The following SUPT3H variants were observed in gnomAD, a reference collection of about 807,000 sequenced individuals.
The protein encoded by SUPT3H is transcription initiation protein SPT3 homolog.
SUPT3H carries 44 observed loss-of-function variants against 44.3 expected under a neutral mutation model. The observed-to-expected ratio is 0.99, with a 90% confidence interval of 0.78 to 1.28. The LOEUF (loss-of-function observed/expected upper bound fraction) is 1.28, where lower values mean the gene tolerates loss of function less well. Among genes scored for constraint, SUPT3H ranks in the 50% most tolerant of loss-of-function variants. SUPT3H has a pLI of 0.00. For synonymous variants in SUPT3H, 124 were observed against 125.6 expected (o/e 0.99, Z 0.09); for missense variants, 380 against 387.1 (o/e 0.98, Z 0.15).
chr6:45,372,282 C>T (rs115707308), intron 1 of SUPT3H, among the ~76,000 whole-genome samples: 214 of 152,250 alleles, frequency 1.4e-3, no homozygotes, highest in African/African-American at 4.9e-3. Context: ...AAATAACATA[C>T]GTAAAGCCCT....
intron 6 of SUPT3H, among the ~76,000 whole-genome samples, chr6:44,990,134 T>C (rs748505396): frequency 3.5e-4 from 54 of 152,280 alleles, no homozygotes; most frequent in Non-Finnish European, 6.9e-4. Flanking sequence ...TTTATGTTTA[T>C]CTTCAATCCA....
chr6:45,322,378 T>C (rs1164018178), intron 2 of SUPT3H, among the ~76,000 whole-genome samples: 1 of 150,802 alleles, frequency 6.6e-6, no homozygotes, highest in Non-Finnish European at 1.5e-5. Context: ...TGTATACTTT[T>C]ATAATTTTCT....
At chr6:45,194,976 T>C (rs1328893508) in intron 2 of SUPT3H, among the ~76,000 whole-genome samples, 1 of 152,132 alleles carries the variant, frequency 6.6e-6, no homozygotes, top group Non-Finnish European at 1.5e-5. Flanking sequence ...GACCTATAAA[T>C]TGCAGTGTAA....
At chr6:44,845,211 C>T (rs934732445) in intron 10 of SUPT3H, among the ~76,000 whole-genome samples, 11 of 152,076 alleles carry the variant, frequency 7.2e-5, no homozygotes, top group Admixed American at 2.0e-4. Flanking sequence ...CTTACTAGTA[C>T]CAGACACTGG....
At chr6:44,975,950 T>C (rs1157008215) in intron 6 of SUPT3H, among the ~76,000 whole-genome samples, 2 of 152,174 alleles carry the variant, frequency 1.3e-5, no homozygotes, top group Admixed American at 6.5e-5. Flanking sequence ...CTTTTATAAC[T>C]GGATAGCATT....
chr6:44,849,478 C>T (rs1416026322), intron 10 of SUPT3H, among the ~76,000 whole-genome samples: 12 of 151,912 alleles, frequency 7.9e-5, no homozygotes, highest in Admixed American at 2.6e-4. Flanking sequence ...CCGCCCGCCT[C>T]GGCCTCCCAA....
chr6:44,869,461 A>T (rs1385785226), intron 10 of SUPT3H, among the ~76,000 whole-genome samples: 2 of 151,658 alleles, frequency 1.3e-5, no homozygotes, highest in African/African-American at 4.9e-5. Flanking sequence ...CAGTAGGTTG[A>T]AACAGACGAT....
chr6:45,172,827 T>C (rs1269784113), intron 2 of SUPT3H, among the ~76,000 whole-genome samples: 1 of 152,142 alleles, frequency 6.6e-6, no homozygotes, highest in African/African-American at 2.4e-5. Flanking sequence ...CCTGACCTCG[T>C]GATCCGCCCA....
rs1491439191 is a variant in SUPT3H, at chr6:44,839,320, TTA to T, written c.913-9465_913-9464del. Among the ~76,000 whole-genome samples the T allele has an allele frequency of 3.6e-4, 42 of 117,682 alleles. 1 individual carries two copies. The South Asian group carries it at 8.3e-3, about 23-fold the overall frequency. The allele number at this position is 117,682 out of a possible 152,430, so 77.2% of individuals were successfully genotyped here. A position where few individuals can be genotyped will look rare whatever the true frequency, so the allele number is the denominator to read the frequency against. ...ATAAATGTTTGTTTCACTATTATTA[TTA>T]TTTTTTTTTGAAACTGGGTCTCGCC... On this transcript the variant is annotated intron_variant, in intron 10 of 10. Coordinates refer to ENST00000371459, the MANE Select transcript of SUPT3H (RefSeq NM_003599.4).
chr6:44,904,751 G>A (rs1216297747), intron 10 of SUPT3H, among the ~76,000 whole-genome samples: 6 of 152,074 alleles, frequency 3.9e-5, no homozygotes, highest in Non-Finnish European at 5.9e-5. Flanking sequence ...GAGGCATCAC[G>A]CTACCTGACT....
chr6:45,354,572 A>C (rs1792752473), intron 2 of SUPT3H, among the ~76,000 whole-genome samples: 2 of 152,074 alleles, frequency 1.3e-5, no homozygotes, highest in Non-Finnish European at 2.9e-5. Context: ...AAGGGGCTTC[A>C]CTGCATTTAA....
At chr6:45,223,243 T>G (rs567655428) in intron 2 of SUPT3H, among the ~76,000 whole-genome samples, 3 of 152,224 alleles carry the variant, frequency 2.0e-5, no homozygotes, top group African/African-American at 7.2e-5. Flanking sequence ...TTATCAATGT[T>G]AATATTCTAA....
rs558919866 is a variant in SUPT3H, at chr6:44,845,339, A to C, written c.913-15482T>G. On this transcript the variant is annotated intron_variant, in intron 10 of 10. Transcript: ENST00000371459. ...AGCTATCATTGTGAAGTGATATACC[A>C]ATCACTAGACAGCTCTGAAATGGCA... 3.3e-5 allele frequency among the ~76,000 whole-genome samples: 5 copies of C among 152,310 alleles called. No individual in the cohort carries two copies. The South Asian group carries it at 1.0e-3, about 32-fold the overall frequency.
intron 2 of SUPT3H, among the ~76,000 whole-genome samples, chr6:45,256,772 TC>T: frequency 6.6e-6 from 1 of 152,238 alleles, no homozygotes; most frequent in East Asian, 1.9e-4. Context: ...AGTACTTCCG[TC>T]CTTTTTGTGC....
At chr6:44,952,344 G>A (rs2153473314) in intron 9 of SUPT3H, among the ~76,000 whole-genome samples, 1 of 152,272 alleles carries the variant, frequency 6.6e-6, no homozygotes, top group South Asian at 2.1e-4. Flanking sequence ...AGGGTTTATA[G>A]TTTTCATCAG....
chr6:44,844,163 A>G (rs967328121), intron 10 of SUPT3H, among the ~76,000 whole-genome samples: 2 of 152,196 alleles, frequency 1.3e-5, no homozygotes, highest in African/African-American at 4.8e-5. Flanking sequence ...AGTCTTCAAT[A>G]TATGATGCTG....
At chr6:45,096,555 A>G (rs1344729185) in intron 3 of SUPT3H, among the ~76,000 whole-genome samples, 1 of 152,154 alleles carries the variant, frequency 6.6e-6, no homozygotes, top group South Asian at 2.1e-4. Flanking sequence ...GATAAGAATT[A>G]TGCATTAGAT....
In SUPT3H at chr6:45,022,500, G is replaced by A. The variant is rs186197594; in HGVS notation, c.187-1868C>T. Among the ~76,000 whole-genome samples the A allele has an allele frequency of 2.1e-4, 32 of 150,986 alleles. No individual in the cohort carries two copies. In the East Asian group the frequency reaches 3.5e-3, roughly 17 times the overall value. On this transcript the variant is annotated intron_variant, in intron 3 of 10. Coordinates refer to ENST00000371459, the MANE Select transcript of SUPT3H (RefSeq NM_003599.4). ...TTATATCATGGTTATCCTGTCGTATGTAGTAGGAAAAGTTTATCTTTGTTT... is the reference window on the plus strand; with the variant it reads ...TTATATCATGGTTATCCTGTCGTATATAGTAGGAAAAGTTTATCTTTGTTT...
chr6:45,324,040 C>A (rs528257808), intron 2 of SUPT3H, among the ~76,000 whole-genome samples: 1 of 152,070 alleles, frequency 6.6e-6, no homozygotes, highest in East Asian at 1.9e-4. Context: ...TAGTAGTTTC[C>A]TGCTTTAGTC....
Sources: gnomAD v4.1 joint callset for allele counts (sites outside exome capture counted in the v4.1 genomes callset) on GRCh38, gnomAD v4.1.1 for gene constraint, MANE v1.5 for transcripts, NCBI Gene and HGNC (gene_info 2026-07-23, HGNC 2026-07-21) for gene names.